Variants in PCDHGB4 observed in about 807,000 individuals in gnomAD.
The protein encoded by PCDHGB4 is protocadherin gamma subfamily B, 4, also known as protocadherin gamma-B4.
In PCDHGB4, 38 loss-of-function variants were observed where a neutral mutation model predicts 60.5. The ratio of observed to expected loss-of-function variants is 0.63; its 90% confidence interval spans 0.48 to 0.82. The LOEUF (loss-of-function observed/expected upper bound fraction) is 0.82, where lower values mean the gene tolerates loss of function less well. PCDHGB4 is among the 40% of genes least tolerant of loss of function. The probability of loss-of-function intolerance (pLI) is 0.00; values close to 1 mark genes in which losing one functional copy is unlikely to be tolerated. For missense variants in PCDHGB4, 1,109 were observed against 1,209.6 expected (o/e 0.92, Z 1.23); for synonymous variants, 456 against 509.7 (o/e 0.89, Z 1.42).
At chr5:141,494,937 G>A (rs759078748) in intron 2 of PCDHGB4, 72 bp downstream of exon 2, 130 of 1,612,276 alleles carry the variant, frequency 8.1e-5, no homozygotes, top group Non-Finnish European at 1.1e-4. Context: ...GAGGAGATGG[G>A]GGAGGGCCCA....
rs1201654822 is a variant in PCDHGB4, at chr5:141,476,876, C to T, written c.2398-17931C>T. ...CCAGTCCTTGTACCGGGCGCGCGTC[C>T]TGGAGGATGCACCCTCCGGCACGCG... On this transcript the variant is annotated intron_variant, in intron 1 of 3. Transcript: ENST00000519479. The surrounding 1 kb of genome is among the most constrained non-coding windows in gnomAD (Gnocchi z 7.6). 6.2e-7 allele frequency: 1 copy of T among 1,613,876 alleles called. No homozygotes were observed. The highest frequency in any genetic ancestry group is 1.7e-5 in the Admixed American group (1 of 60,018).
At chr5:141,464,009 T>C (rs1187492781) in intron 1 of PCDHGB4, among the ~76,000 whole-genome samples, 1 of 151,950 alleles carries the variant, frequency 6.6e-6, no homozygotes. Context: ...CTCATGCTTG[T>C]AATCCCACAC....
intron 1 of PCDHGB4, among the ~76,000 whole-genome samples, chr5:141,396,897 T>C (rs1337739986): frequency 1.3e-5 from 2 of 152,220 alleles, no homozygotes; most frequent in African/African-American, 4.8e-5. Flanking sequence ...CAACATATTA[T>C]TGGCACTTTG....
chr5:141,416,745 C>T (rs186830862), intron 1 of PCDHGB4: 5 of 152,194 alleles, frequency 3.3e-5, no homozygotes, highest in South Asian at 2.1e-4. Flanking sequence ...AAAATAGTGA[C>T]GTATTAGGTA....
rs1311776295 is a variant in PCDHGB4, at chr5:141,487,582, C to G, written c.2398-7225C>G. 1.2e-6 allele frequency: 2 copies of G among 1,614,088 alleles called. No homozygotes were observed. The highest frequency in any genetic ancestry group is 2.7e-5 in the African/African-American group (2 of 74,934). ...TGGCAGGGGAGCCTGTTCGCCCAAG[C>G]TGCCCACCCTCTGATCTTCTCTATG... is the stretch of plus-strand genomic sequence containing the variant. On this transcript the variant is annotated intron_variant, in intron 1 of 3. Transcript: ENST00000519479. The surrounding 1 kb of genome is among the most constrained non-coding windows in gnomAD (Gnocchi z 5.0).
chr5:141,481,871 G>A (rs372191396), intron 1 of PCDHGB4, among the ~76,000 whole-genome samples: 73 of 144,864 alleles, frequency 5.0e-4, no homozygotes, highest in Non-Finnish European at 9.7e-4. Context: ...CCGAGATCGC[G>A]CCACTGCACT....
intron 2 of PCDHGB4, among the ~76,000 whole-genome samples, chr5:141,497,721 G>A (rs2099778948): frequency 6.6e-6 from 1 of 152,006 alleles, no homozygotes; most frequent in African/African-American, 2.4e-5. Flanking sequence ...TGTATTTTTA[G>A]TAGAGATGGG....
chr5:141,399,617 TGGCCTCTTACGTGTCCATGAGC>T, intron 1 of PCDHGB4: 4 of 1,613,944 alleles, frequency 2.5e-6, no homozygotes. Flanking sequence ...CCTCTGGCAC[TGGCCTCTTACGTGTCCATGAGC>T]GCGCAAAGTG....
intron 2 of PCDHGB4, among the ~76,000 whole-genome samples, chr5:141,499,675 T>A (rs1426498530): frequency 2.0e-5 from 3 of 150,746 alleles, no homozygotes; most frequent in African/African-American, 7.3e-5. Flanking sequence ...GTCTCCACCA[T>A]CTTTAACAGA....
At chr5:141,500,887 T>C (rs557735403) in intron 2 of PCDHGB4, among the ~76,000 whole-genome samples, 1 of 95,622 alleles carries the variant, frequency 1.0e-5, no homozygotes, top group South Asian at 2.8e-4. Context: ...ATTTTTTTTT[T>C]TTGAGACAGT....
intron 1 of PCDHGB4, among the ~76,000 whole-genome samples, chr5:141,463,025 T>G (rs2099051289): frequency 6.6e-6 from 1 of 152,202 alleles, no homozygotes; most frequent in Non-Finnish European, 1.5e-5. Flanking sequence ...ACTTTTTTGA[T>G]TAATCTGAGT....
At chr5:141,405,093 T>C in intron 1 of PCDHGB4, 1 of 1,613,946 alleles carries the variant, frequency 6.2e-7, no homozygotes, top group Non-Finnish European at 8.5e-7. Flanking sequence ...CTGCTGGCCC[T>C]CAGGCTGAGG....
At position 141,493,412 on chromosome 5, in the gene PCDHGB4, G is replaced by A. The variant is rs1288041038; in HGVS notation, c.2398-1395G>A. Among the ~76,000 whole-genome samples, 3 of 152,114 alleles carry A rather than the reference G, an allele frequency of 2.0e-5. No individual in the cohort carries two copies. The highest frequency in any genetic ancestry group is 4.4e-5 in the Non-Finnish European group (3 of 68,024). On this transcript the variant is annotated intron_variant, in intron 1 of 3. Coordinates refer to ENST00000519479, the MANE Select transcript of PCDHGB4 (RefSeq NM_003736.4). This position sits in a 1 kb window ranked among gnomAD's most constrained non-coding sequence, Gnocchi z 4.3. ...CAGGAGAGGGGAGTTGCCTCTGCTG[G>A]GATTTTGCTTCTGCTGGGATGGGGC...
At position 141,426,439 on chromosome 5, in the gene PCDHGB4, G is replaced by C. The variant is rs149215795; in HGVS notation, c.2397+36158G>C. On this transcript the variant is annotated intron_variant, in intron 1 of 3. Transcript: ENST00000519479. ...GGGCTCCGTGGTGGGGAACCTTGCG[G>C]AGGACATGCGGCTGCATGTTCAGGA... 7.8e-4 allele frequency: 237 copies of C among 302,398 alleles called. 1 individual carries two copies. The highest frequency in any genetic ancestry group is 4.6e-3 in the African/African-American group (214 of 46,260). The allele number at this position is 302,398 out of a possible 1,614,324, so 18.7% of individuals were successfully genotyped here.
At chr5:141,418,065 G>T in intron 1 of PCDHGB4, 1 of 1,614,064 alleles carries the variant, frequency 6.2e-7, no homozygotes, top group East Asian at 2.2e-5. Context: ...CTGCGAGTGA[G>T]CGCGGAGAAG....
intron 1 of PCDHGB4, chr5:141,427,308 G>A (rs2097014480): frequency 2.2e-6 from 1 of 456,846 alleles, no homozygotes; most frequent in Non-Finnish European, 4.4e-6. Flanking sequence ...GAATGACAAT[G>A]CCCCAGACGT....
rs575694126 is a variant in PCDHGB4 at position 141,399,993 on chromosome 5, G to A, written c.2397+9712G>A. 3.1e-5 allele frequency: 50 copies of A among 1,612,336 alleles called. 1 individual carries two copies. Among genetic ancestry groups the A allele is most frequent in the Middle Eastern group, 1.8e-4 (1 of 5,462 alleles). On this transcript the variant is annotated intron_variant, in intron 1 of 3. Transcript: ENST00000519479. ...GCCTGGGGCTGCGCACAGGAGAGGT[G>A]CGCACAGCGCGTGCCTTGGGCGACA...
intron 1 of PCDHGB4, chr5:141,418,372 A>G (rs771262387): frequency 3.1e-6 from 5 of 1,613,968 alleles, no homozygotes; most frequent in Non-Finnish European, 3.4e-6. Context: ...GCAAATACCA[A>G]CTAAGTCCTA....
At chr5:141,482,841 G>A (rs1401298303) in intron 1 of PCDHGB4, among the ~76,000 whole-genome samples, 1 of 139,444 alleles carries the variant, frequency 7.2e-6, no homozygotes, top group Non-Finnish European at 1.5e-5. Flanking sequence ...GGAGGCCAAG[G>A]TGGGCAGATC....
Sources: gnomAD v4.1 joint callset for allele counts (sites outside exome capture counted in the v4.1 genomes callset) on GRCh38, gnomAD v4.1.1 for gene constraint, Gnocchi (gnomAD v3.1) non-coding constraint, MANE v1.5 for transcripts, NCBI Gene and HGNC (gene_info 2026-07-23, HGNC 2026-07-21) for gene names.